The following PCDHGC4 variants were observed in gnomAD, a reference collection of about 807,000 sequenced individuals.
PCDHGC4 encodes protocadherin gamma subfamily C, 4, also known as protocadherin gamma-C4.
Under a neutral mutation model 59.7 loss-of-function variants are expected in PCDHGC4, and 15 were observed. That is an observed-to-expected ratio of 0.25 (90% CI 0.17 to 0.39). The LOEUF (loss-of-function observed/expected upper bound fraction) is 0.39, where lower values mean the gene tolerates loss of function less well. Ranked by LOEUF, PCDHGC4 falls within the 10% of genes least tolerant of loss-of-function variation. The probability of loss-of-function intolerance (pLI) is 1.00; values close to 1 mark genes in which losing one functional copy is unlikely to be tolerated. For synonymous variants in PCDHGC4, 434 were observed against 481.4 expected, an observed-to-expected ratio of 0.90 and a Z score of 1.29; for missense variants, 1,016 against 1,189.5, an observed-to-expected ratio of 0.85 and a Z score of 2.15.
At position 141,486,653 on chromosome 5, in the gene PCDHGC4, C is replaced by A; in HGVS notation, c.1480C>A (p.Leu494Ile). 1 of 1,613,968 alleles carries A rather than the reference C, an allele frequency of 6.2e-7. No homozygotes were observed. Among genetic ancestry groups the A allele is most frequent in the Non-Finnish European group, 8.5e-7 (1 of 1,180,034 alleles). The change falls in exon 1 of 4, where the codon CTC becomes ATC. Residue 494 changes from leucine (L) to isoleucine (I), a missense_variant. Physicochemically the swap from Leu to Ile is conservative, Grantham distance 5. Coordinates refer to ENST00000306593, the MANE Select transcript of PCDHGC4 (RefSeq NM_018928.3). This position sits in a 1 kb window ranked among gnomAD's most constrained non-coding sequence, Gnocchi z 5.0. ...SGLNALISYSLLEPRNRDVSA... is the reference protein window; with the variant it reads ...SGLNALISYSILEPRNRDVSA... ...CTTGAATGCGCTTATCTCCTACTCA[C>A]TCCTGGAGCCCAGGAATCGAGATGT... is the stretch of plus-strand genomic sequence containing the variant.
chr5:141,486,282 C>T lies in PCDHGC4; in HGVS notation c.1109C>T (p.Ala370Val). ...PESAEPGTVV[A>V]LISVQDPDSG... ...AGTGCAGAACCTGGCACTGTGGTGGCACTTATCAGTGTGCAGGATCCAGAC... is the reference window on the plus strand; with the variant it reads ...AGTGCAGAACCTGGCACTGTGGTGGTACTTATCAGTGTGCAGGATCCAGAC... The change falls in exon 1 of 4, where the codon GCA becomes GTA. Residue 370 changes from alanine to valine, a missense_variant. By Grantham distance (64) the Ala-to-Val change is moderately conservative. Transcript: ENST00000306593. This position sits in a 1 kb window ranked among gnomAD's most constrained non-coding sequence, Gnocchi z 5.0. 6.2e-7 allele frequency: 1 copy of T among 1,614,052 alleles called. No homozygotes were observed. Among genetic ancestry groups the T allele is most frequent in the Non-Finnish European group, 8.5e-7 (1 of 1,179,992 alleles).
In PCDHGC4 at chr5:141,493,307, AAG is replaced by A. The variant is rs2099747490; in HGVS notation, c.2443-1494_2443-1493del. Among the ~76,000 whole-genome samples, 1 of 152,234 alleles carries A rather than the reference AAG, an allele frequency of 6.6e-6. No homozygotes were observed. Among genetic ancestry groups the A allele is most frequent in the South Asian group, 2.1e-4 (1 of 4,832 alleles). ...ACTTGCTCAAGTTCACAGAGCAAGT[AAG>A]AGAGATTCTAACCCCTGTCTAACTC... On this transcript the variant is annotated intron_variant, in intron 1 of 3. Transcript: ENST00000306593. This position sits in a 1 kb window ranked among gnomAD's most constrained non-coding sequence, Gnocchi z 4.3.
Position 141,511,072 on chromosome 5 carries a change from A to C in PCDHGC4, c.2716A>C (p.Ser906Arg). The C allele has an allele frequency of 6.2e-7, 1 of 1,614,252 alleles. No individual in the cohort carries two copies. Among genetic ancestry groups the C allele is most frequent in the Non-Finnish European group, 8.5e-7 (1 of 1,180,034 alleles). Residue 906 changes from serine to arginine, a missense_variant, in exon 4 of 4, where the codon AGC (serine) becomes CGC (arginine). Ser to Arg is a moderately radical substitution (Grantham distance 110). Coordinates refer to ENST00000306593, the MANE Select transcript of PCDHGC4 (RefSeq NM_018928.3). ...CCGCCAGAATGTCTACATCCCAGGC[A>C]GCAATGCCACACTGACCAACGCAGC... ...DYRQNVYIPG[S>R]NATLTNAAGK...
Position 141,491,478 on chromosome 5 carries a change from C to A in PCDHGC4, c.2443-3329C>A. ...CCCCGGACTTCTATAAGCAGTCCAG[C>A]CCCAACCTGCAGGTGAGCTCGGACG... On this transcript the variant is annotated intron_variant, in intron 1 of 3. Coordinates refer to ENST00000306593, the MANE Select transcript of PCDHGC4 (RefSeq NM_018928.3). The surrounding 1 kb of genome is among the most constrained non-coding windows in gnomAD (Gnocchi z 6.9). 6.2e-7 allele frequency: 1 copy of A among 1,614,068 alleles called. No individual in the cohort carries two copies. Among genetic ancestry groups the A allele is most frequent in the Non-Finnish European group, 8.5e-7 (1 of 1,180,004 alleles).
intron 1 of PCDHGC4, among the ~76,000 whole-genome samples, chr5:141,488,493 C>T (rs1594759823): frequency 6.6e-6 from 1 of 152,226 alleles, no homozygotes; most frequent in East Asian, 1.9e-4. Context: ...AAAACTGTAA[C>T]ACTCATTCCA....
chr5:141,500,104 T>G (rs917633032), intron 2 of PCDHGC4, among the ~76,000 whole-genome samples: 4 of 152,124 alleles, frequency 2.6e-5, no homozygotes, highest in Non-Finnish European at 4.4e-5. Flanking sequence ...AATTTATTTG[T>G]TGAATCCCTG....
Position 141,491,730 on chromosome 5 carries a change from C to G in PCDHGC4, c.2443-3077C>G, listed in dbSNP as rs1346666614. 1 of 1,603,920 alleles carries G rather than the reference C, an allele frequency of 6.2e-7. No homozygotes were observed. Among genetic ancestry groups the G allele is most frequent in the Non-Finnish European group, 8.5e-7 (1 of 1,175,836 alleles). ...GGGGCTCGGCGCCGCCCCGGGCGAC[C>G]CCTGGGGGCGGCACTGGAGAAGCCG... On this transcript the variant is annotated intron_variant, in intron 1 of 3. Coordinates refer to ENST00000306593, the MANE Select transcript of PCDHGC4 (RefSeq NM_018928.3). The surrounding 1 kb of genome is among the most constrained non-coding windows in gnomAD (Gnocchi z 6.9).
rs766387243 is a variant in PCDHGC4 at position 141,489,017 on chromosome 5, TCTC to T, written c.2442+1410_2442+1412del. The stretch of plus-strand genomic sequence containing the variant: ...GGGAGATCTGCTCTTCCAGCCCGCC[TCTC>T]CTCCTCCAGCTCCCCAGCTCCACTC... On this transcript the variant is annotated intron_variant, in intron 1 of 3. Transcript: ENST00000306593. This position sits in a 1 kb window ranked among gnomAD's most constrained non-coding sequence, Gnocchi z 4.5. 2 of 435,354 alleles carry T rather than the reference TCTC, an allele frequency of 4.6e-6. No individual in the cohort carries two copies. Among genetic ancestry groups the T allele is most frequent in the Non-Finnish European group, 8.1e-6 (2 of 247,876 alleles). The allele number at this position is 435,354 out of a possible 1,614,324, so 27.0% of individuals were successfully genotyped here. A position where few individuals can be genotyped will look rare whatever the true frequency, so the allele number is the denominator to read the frequency against.
In PCDHGC4 at chr5:141,485,990, C is replaced by T. The variant is rs1285988124; in HGVS notation, c.817C>T (p.Pro273Ser). 2.5e-6 allele frequency: 4 copies of T among 1,614,168 alleles called. No homozygotes were observed. Reference protein sequence around the residue: ...QLNASDPDLGPSGNVTFYFSG... With the variant: ...QLNASDPDLGSSGNVTFYFSG... The stretch of plus-strand genomic sequence containing the variant: ...CAATGCCTCAGACCCGGACCTGGGT[C>T]CCAGTGGTAACGTCACCTTTTATTT... The change falls in exon 1 of 4, where the codon CCC (proline) becomes TCC (serine). Residue 273 changes from proline to serine, a missense_variant. Coordinates refer to ENST00000306593, the MANE Select transcript of PCDHGC4 (RefSeq NM_018928.3). This position sits in a 1 kb window ranked among gnomAD's most constrained non-coding sequence, Gnocchi z 5.7.
chr5:141,487,811 A>T lies in PCDHGC4; in HGVS notation c.2442+196A>T, dbSNP rs1389081995. 2.1e-6 allele frequency: 3 copies of T among 1,414,662 alleles called. No homozygotes were observed. In the African/African-American group the frequency reaches 4.3e-5, roughly 20 times the overall value. 87.6% of individuals were successfully genotyped at this position (1,414,662 alleles called of 1,614,324 possible). A position where few individuals can be genotyped will look rare whatever the true frequency, so the allele number is the denominator to read the frequency against. ...TTAACCAGAGTTGTCACAGTTTAGCATTGGGGGCGGGTCATGCCTATATCT... is the reference window on the plus strand; with the variant it reads ...TTAACCAGAGTTGTCACAGTTTAGCTTTGGGGGCGGGTCATGCCTATATCT... On this transcript the variant is annotated intron_variant, in intron 1 of 3. Transcript: ENST00000306593. The surrounding 1 kb of genome is among the most constrained non-coding windows in gnomAD (Gnocchi z 5.0).
chr5:141,487,771 T>C lies in PCDHGC4; in HGVS notation c.2442+156T>C. The C allele has an allele frequency of 1.3e-6, 2 of 1,537,446 alleles. No homozygotes were observed. Among genetic ancestry groups the C allele is most frequent in the South Asian group, 2.4e-5 (2 of 82,456 alleles). ...ACTATGTGGTAGACGCTGTGCTTTGTAACTGTTTCGTGAATTAACCAGAGT... is the reference window on the plus strand; with the variant it reads ...ACTATGTGGTAGACGCTGTGCTTTGCAACTGTTTCGTGAATTAACCAGAGT... On this transcript the variant is annotated intron_variant, in intron 1 of 3. Coordinates refer to ENST00000306593, the MANE Select transcript of PCDHGC4 (RefSeq NM_018928.3). This position sits in a 1 kb window ranked among gnomAD's most constrained non-coding sequence, Gnocchi z 5.0.
chr5:141,510,839 C>T (rs186647886), intron 3 of PCDHGC4, 108 bp from the exon 4 acceptor site: 36 of 1,586,990 alleles, frequency 2.3e-5, no homozygotes, highest in Non-Finnish European at 3.1e-5. Context: ...TCAGCGTGGT[C>T]AAGGCCCAGG....
At chr5:141,505,816 C>A (rs1236221927) in intron 3 of PCDHGC4, among the ~76,000 whole-genome samples, 2 of 152,178 alleles carry the variant, frequency 1.3e-5, no homozygotes, top group African/African-American at 4.8e-5. Flanking sequence ...CTTGCTCAAT[C>A]TCTCTAAACC....
At position 141,511,260 on chromosome 5, in the gene PCDHGC4, G is replaced by A; in HGVS notation, c.*87G>A. 6.4e-7 allele frequency: 1 copy of A among 1,558,596 alleles called. No individual in the cohort carries two copies. Among genetic ancestry groups the A allele is most frequent in the Non-Finnish European group, 8.7e-7 (1 of 1,151,758 alleles). On this transcript the variant is annotated 3_prime_UTR_variant, in exon 4 of 4. Transcript: ENST00000306593. ...CCTGCACCCAGGCCTCAGAGTTTCA[G>A]GGCTAACCCCCAGAATACTGGTAGG...
chr5:141,491,964 C>T lies in PCDHGC4; in HGVS notation c.2443-2843C>T, dbSNP rs1382490003. 2.1e-6 allele frequency: 2 copies of T among 943,836 alleles called. No individual in the cohort carries two copies. The highest frequency in any genetic ancestry group is 3.0e-6 in the Non-Finnish European group (2 of 671,104). 58.5% of individuals were successfully genotyped at this position (943,836 alleles called of 1,614,324 possible). On this transcript the variant is annotated intron_variant, in intron 1 of 3. Transcript: ENST00000306593. The surrounding 1 kb of genome is among the most constrained non-coding windows in gnomAD (Gnocchi z 6.9). ...CCCCACCCCTACACTCAAAAAAGGC[C>T]GGGGCCTCCTTCGAGCTTCCGGTGA...
At position 141,491,116 on chromosome 5, in the gene PCDHGC4, GGT is replaced by G. The variant is rs2099708409; in HGVS notation, c.2442+3503_2442+3504del. The G allele has an allele frequency of 1.2e-6, 2 of 1,614,178 alleles. No individual in the cohort carries two copies. Among genetic ancestry groups the G allele is most frequent in the Non-Finnish European group, 1.7e-6 (2 of 1,180,024 alleles). On this transcript the variant is annotated intron_variant, in intron 1 of 3. Transcript: ENST00000306593. This position sits in a 1 kb window ranked among gnomAD's most constrained non-coding sequence, Gnocchi z 6.9. Reference sequence around the variant, plus strand: ...ACTGTTCCTCGTGTCTACACACACTGGTGAGGTGCGCACAGCCCGGGCCTTAC... The same window carrying G: ...ACTGTTCCTCGTGTCTACACACACTGGAGGTGCGCACAGCCCGGGCCTTAC...
In PCDHGC4 at chr5:141,486,546, G is replaced by A. The variant is rs1156517969; in HGVS notation, c.1373G>A (p.Arg458Lys). Reference protein sequence around the residue: ...VNDNPPSFFQRSHEVFVPENN... With the variant: ...VNDNPPSFFQKSHEVFVPENN... Reference sequence around the variant, plus strand: ...GATAATCCACCCTCTTTCTTTCAGAGGTCACATGAGGTGTTTGTTCCTGAG... The same window carrying A: ...GATAATCCACCCTCTTTCTTTCAGAAGTCACATGAGGTGTTTGTTCCTGAG... Residue 458 changes from arginine (R) to lysine (K), a missense_variant, in exon 1 of 4, where the codon AGG becomes AAG. By Grantham distance (26) the Arg-to-Lys change is conservative. Coordinates refer to ENST00000306593, the MANE Select transcript of PCDHGC4 (RefSeq NM_018928.3). The surrounding 1 kb of genome is among the most constrained non-coding windows in gnomAD (Gnocchi z 5.0). 3 of 1,614,084 alleles carry A rather than the reference G, an allele frequency of 1.9e-6. No homozygotes were observed. The East Asian group carries it at 6.7e-5, about 36-fold the overall frequency.
chr5:141,499,689 CTTTTTTTT>C (rs545067566), intron 2 of PCDHGC4, among the ~76,000 whole-genome samples: 2 of 119,856 alleles, frequency 1.7e-5, no homozygotes, highest in Non-Finnish European at 3.5e-5. Flanking sequence ...TAACAGATGA[CTTTTTTTT>C]TTTTTTTTTT....
At position 141,487,991 on chromosome 5, in the gene PCDHGC4, G is replaced by C. The variant is rs932744807; in HGVS notation, c.2442+376G>C. ...GCTGTTTTCTCTACTCTTCCTGAAA[G>C]AGGGGATCAGATTCTGAAGTACCTT... On this transcript the variant is annotated intron_variant, in intron 1 of 3. Coordinates refer to ENST00000306593, the MANE Select transcript of PCDHGC4 (RefSeq NM_018928.3). The surrounding 1 kb of genome is among the most constrained non-coding windows in gnomAD (Gnocchi z 5.0). 2.6e-5 allele frequency among the ~76,000 whole-genome samples: 4 copies of C among 152,194 alleles called. No homozygotes were observed. The highest frequency in any genetic ancestry group is 4.4e-5 in the Non-Finnish European group (3 of 68,030).
Sources: gnomAD v4.1 joint callset for allele counts (sites outside exome capture counted in the v4.1 genomes callset) on GRCh38, gnomAD v4.1.1 for gene constraint, Gnocchi (gnomAD v3.1) non-coding constraint, MANE v1.5 for transcripts, NCBI Gene and HGNC (gene_info 2026-07-23, HGNC 2026-07-21) for gene names.